LAMC2: variants seen among roughly 807,000 people sequenced by gnomAD.
LAMC2 encodes the protein laminin subunit gamma-2.
Under a neutral mutation model 140.2 loss-of-function variants are expected in LAMC2, and 97 were observed. That is an observed-to-expected ratio of 0.69 (90% confidence interval 0.59 to 0.82). The LOEUF is 0.82. Ranked by LOEUF, LAMC2 falls within the 40% of genes least tolerant of loss-of-function variation. LAMC2 has a pLI of 0.00. For synonymous variants in LAMC2, 513 were observed against 540.2 expected (o/e 0.95, Z 0.70); for missense variants, 1,402 against 1,476.1 (o/e 0.95, Z 0.82).
downstream of LAMC2, among the ~76,000 whole-genome samples, chr1:183,245,834 G>A (rs552085177): frequency 2.3e-3 from 353 of 152,346 alleles, no homozygotes; most frequent in Non-Finnish European, 3.8e-3. Context: ...ACCACGGTAT[G>A]TGTAATCATA....
At position 183,215,833 on chromosome 1, in the gene LAMC2, C is replaced by T. The variant is rs556874839; in HGVS notation, c.404+245C>T. ...AAGTTGCCTGATGTTACCGGTGAGG[C>T]TGGACCTAATACTTAAGCTCAGAGT... On this transcript the variant is annotated intron_variant, in intron 3 of 22. Coordinates refer to ENST00000264144, the MANE Select transcript of LAMC2 (RefSeq NM_005562.3). 2.0e-5 allele frequency among the ~76,000 whole-genome samples: 3 copies of T among 152,280 alleles called. No individual in the cohort carries two copies. The South Asian group carries it at 6.2e-4, about 32-fold the overall frequency.
At chr1:183,196,041 T>G (rs1270320592) in intron 1 of LAMC2, among the ~76,000 whole-genome samples, 2 of 152,244 alleles carry the variant, frequency 1.3e-5, no homozygotes, top group Non-Finnish European at 2.9e-5. Flanking sequence ...CTGATGCCTT[T>G]GATATCAAAC....
In LAMC2 at chr1:183,200,377, G is replaced by A. The variant is rs189164270; in HGVS notation, c.80-7504G>A. Reference sequence around the variant, plus strand: ...TGCACTCCAGCCTGGGCGACAGAACGAGACTCTGTTTCAAAAAAAAAAAGA... The same window carrying A: ...TGCACTCCAGCCTGGGCGACAGAACAAGACTCTGTTTCAAAAAAAAAAAGA... On this transcript the variant is annotated intron_variant, in intron 1 of 22. Transcript: ENST00000264144. 2.3e-3 allele frequency among the ~76,000 whole-genome samples: 332 copies of A among 146,022 alleles called. 4 individuals are homozygous for A. The South Asian group carries it at 0.032, about 14-fold the overall frequency.
chr1:183,254,012 C>T, the LAMC2 span, among the ~76,000 whole-genome samples: 4 of 151,970 alleles, frequency 2.6e-5, no homozygotes, highest in Admixed American at 6.6e-5. Flanking sequence ...GTTGTTTCCA[C>T]ATCTTGGCTA....
chr1:183,255,576 T>C, the LAMC2 span, among the ~76,000 whole-genome samples: 1 of 152,156 alleles, frequency 6.6e-6, no homozygotes, highest in Non-Finnish European at 1.5e-5. Flanking sequence ...CATTTATTTG[T>C]GTTGTCTTCA....
chr1:183,189,646 G>A (rs1353856426), intron 1 of LAMC2, among the ~76,000 whole-genome samples: 2 of 152,206 alleles, frequency 1.3e-5, no homozygotes, highest in African/African-American at 4.8e-5. Context: ...AGAAACCTCA[G>A]CACTTAAAAA....
At chr1:183,238,472 G>A (rs927225428) in intron 19 of LAMC2, 51 bp downstream of exon 19, 1 of 1,194,976 alleles carries the variant, frequency 8.4e-7, no homozygotes, top group Non-Finnish European at 1.3e-6. Context: ...GTATAGTCAT[G>A]ACCAATTTCC....
chr1:183,190,073 G>A (rs558436691), intron 1 of LAMC2, among the ~76,000 whole-genome samples: 1 of 152,250 alleles, frequency 6.6e-6, no homozygotes, highest in African/African-American at 2.4e-5. Context: ...GACTGCCTGG[G>A]TTCAAATCCC....
intron 22 of LAMC2, among the ~76,000 whole-genome samples, 163 bp from the exon 23 acceptor site, chr1:183,242,984 C>T (rs1028603226): frequency 6.6e-6 from 1 of 152,048 alleles, no homozygotes; most frequent in Admixed American, 6.6e-5. Flanking sequence ...AGAACTCTTT[C>T]TAGGTGATTT....
chr1:183,207,739 A>G (rs1658933410), intron 1 of LAMC2, 142 bp from the exon 2 acceptor site: 7 of 750,276 alleles, frequency 9.3e-6, no homozygotes, highest in Middle Eastern at 3.5e-4. Context: ...GCACTCCCAT[A>G]TCTTCCTCCC....
Position 183,243,719 on chromosome 1 carries a change from G to A in LAMC2, c.*319G>A. 5.0e-6 allele frequency: 2 copies of A among 403,448 alleles called. No individual in the cohort carries two copies. Among genetic ancestry groups the A allele is most frequent in the Non-Finnish European group, 4.6e-6 (1 of 215,816 alleles). The allele number at this position is 403,448 out of a possible 1,614,324, so 25.0% of individuals were successfully genotyped here. A position where few individuals can be genotyped will look rare whatever the true frequency, so the allele number is the denominator to read the frequency against. ...TTGCCTCATAATAGTCGTAAGTGGA[G>A]TCCTGGAATTTGGACAAGTGCTGTT... On this transcript the variant is annotated 3_prime_UTR_variant, in exon 23 of 23. Transcript: ENST00000264144.
At chr1:183,238,498 GTCTC>G (rs765970232) in intron 19 of LAMC2, 77 bp downstream of exon 19, 163 of 894,104 alleles carry the variant, frequency 1.8e-4, no homozygotes, top group Non-Finnish European at 2.7e-4. Flanking sequence ...ATTCTCATAT[GTCTC>G]TCTAAGTGGC....
chr1:183,197,257 A>G (rs1261210046), intron 1 of LAMC2, among the ~76,000 whole-genome samples: 2 of 152,254 alleles, frequency 1.3e-5, no homozygotes, highest in Admixed American at 6.5e-5. Flanking sequence ...AGTGTTAAAT[A>G]GGCAGGTGAG....
Position 183,238,393 on chromosome 1 carries a change from AG to A in LAMC2, c.2842del (p.Val948LeufsTer26). Reference protein sequence around the residue: ...LSMGNATFYEVESILKNLREF... With the variant: ...LSMGNATFYEXESILKNLREF... ...GTATGGGCAATGCCACTTTTTATGAAGTTGAGAGCATCCTTAAAAACCTCAG... is the reference window on the plus strand; with the variant it reads ...GTATGGGCAATGCCACTTTTTATGAATTGAGAGCATCCTTAAAAACCTCAG... On this transcript the variant is annotated frameshift_variant, in exon 19 of 23. Transcript: ENST00000264144. LOFTEE classifies it high-confidence loss of function. The A allele has an allele frequency of 1.2e-6, 2 of 1,613,598 alleles. No individual in the cohort carries two copies. Among genetic ancestry groups the A allele is most frequent in the Non-Finnish European group, 1.7e-6 (2 of 1,179,524 alleles).
chr1:183,201,241 T>C (rs998572722), intron 1 of LAMC2, among the ~76,000 whole-genome samples: 2 of 152,148 alleles, frequency 1.3e-5, no homozygotes, highest in African/African-American at 4.8e-5. Flanking sequence ...GAAACCTGCT[T>C]GTTTTGTTTA....
Position 183,228,641 on chromosome 1 carries a change from G to A in LAMC2, c.1714+22G>A, listed in dbSNP as rs756017057. 6.2e-7 allele frequency: 1 copy of A among 1,613,382 alleles called. No homozygotes were observed. Among genetic ancestry groups the A allele is most frequent in the East Asian group, 2.2e-5 (1 of 44,870 alleles). ...CGAGGTAGGACTCCACCCCAGGCAG[G>A]CTGTGTCTGTGCGTGCCTGTGTACG... On this transcript the variant is annotated intron_variant, in intron 11 of 22. Coordinates refer to ENST00000264144, the MANE Select transcript of LAMC2 (RefSeq NM_005562.3). The surrounding 1 kb of genome is among the most constrained non-coding windows in gnomAD (Gnocchi z 4.3).
rs532836837 is a variant in LAMC2 at position 183,235,745 on chromosome 1, G to A, written c.2456+15G>A. ...CTTGTGGAAAAGTACGTTCCTACGG[G>A]TCCTCCCGTGGCTCATTATACCTTG... On this transcript the variant is annotated intron_variant, in intron 16 of 22. Transcript: ENST00000264144. 18 of 1,613,468 alleles carry A rather than the reference G, an allele frequency of 1.1e-5. No individual in the cohort carries two copies. Among genetic ancestry groups the A allele is most frequent in the Non-Finnish European group, 1.5e-5 (18 of 1,179,908 alleles).
Position 183,228,532 on chromosome 1 carries a change from C to G in LAMC2, c.1627C>G (p.His543Asp), listed in dbSNP as rs979688957. 2.5e-6 allele frequency: 4 copies of G among 1,613,958 alleles called. No individual in the cohort carries two copies. The highest frequency in any genetic ancestry group is 1.7e-5 in the Admixed American group (1 of 59,982). Reference sequence around the variant, plus strand: ...GACAGGCAGGTGTTTGAAGTGTATCCACAACACAGCCGGCATCTACTGCGA... The same window carrying G: ...GACAGGCAGGTGTTTGAAGTGTATCGACAACACAGCCGGCATCTACTGCGA... Reference protein sequence around the residue: ...RLTGRCLKCIHNTAGIYCDQC... With the variant: ...RLTGRCLKCIDNTAGIYCDQC... The change falls in exon 11 of 23, where the codon CAC (histidine) becomes GAC (aspartate). Residue 543 changes from histidine to aspartate, a missense_variant. Around this residue, in one of 3 missense-constraint regions of LAMC2, gnomAD observed 723 missense variants for 783.3 expected, o/e 0.92. Transcript: ENST00000264144. The surrounding 1 kb of genome is among the most constrained non-coding windows in gnomAD (Gnocchi z 4.3).
chr1:183,247,246 A>T (rs1269056369), downstream of LAMC2, among the ~76,000 whole-genome samples: 1 of 152,214 alleles, frequency 6.6e-6, no homozygotes, highest in Non-Finnish European at 1.5e-5. Context: ...CCGGAGGCTG[A>T]TGTTGCAGTG....
Sources: allele counts gnomAD v4.1 joint callset (sites outside exome capture counted in the v4.1 genomes callset), GRCh38; gene constraint gnomAD v4.1.1; regional missense constraint gnomAD v4.1.1; non-coding constraint Gnocchi (gnomAD v3.1); transcripts MANE v1.5; gene names NCBI Gene and HGNC (gene_info 2026-07-23, HGNC 2026-07-21).